CCDC88A: variants seen among roughly 807,000 people sequenced by gnomAD.
The protein encoded by CCDC88A is girdin.
A neutral mutation model predicts 234.3 loss-of-function variants in CCDC88A; 54 were observed. The observed-to-expected ratio is 0.23, with a 90% CI of 0.19 to 0.29. The LOEUF (loss-of-function observed/expected upper bound fraction) is 0.29. Ranked by LOEUF, CCDC88A falls within the 10% of genes least tolerant of loss-of-function variation. The probability of loss-of-function intolerance (pLI) is 1.00; values close to 1 mark genes in which losing one functional copy is unlikely to be tolerated. For missense variants in CCDC88A, 1,832 were observed against 2,123.4 expected (o/e 0.86, Z 2.70); for synonymous variants, 753 against 737.8 (o/e 1.02, Z -0.33).
chr2:55,334,365 G>A lies in CCDC88A; in HGVS notation c.2456C>T (p.Ser819Leu). The change falls in exon 15 of 33, where the codon TCA (serine) becomes TTA (leucine). Residue 819 changes from serine (S) to leucine (L), a missense_variant. Ser to Leu is a moderately radical substitution (Grantham distance 145). Coordinates refer to ENST00000436346, the MANE Select transcript of CCDC88A (RefSeq NM_001365480.1). The surrounding 1 kb of genome is among the most constrained non-coding windows in gnomAD (Gnocchi z 6.1). The part of the protein sequence containing the change: ...RLEQLEKENK[S>L]LEQETSQLEK... ...CAGTTGAGAAGTCTCTTGCTCTAAT[G>A]ATTTATTTTCTTTTTCCAGCTGTTC... 2 of 1,562,704 alleles carry A rather than the reference G, an allele frequency of 1.3e-6. No individual in the cohort carries two copies. The highest frequency in any genetic ancestry group is 1.7e-6 in the Non-Finnish European group (2 of 1,164,024).
At position 55,389,841 on chromosome 2, in the gene CCDC88A, G is replaced by A. The variant is rs1209982017; in HGVS notation, c.165-955C>T. ...GGATCACCTGAGGTCAGGAGTTCAAGACCAGCCTGGCCAACATGGTGAAAC... is the reference window on the plus strand; with the variant it reads ...GGATCACCTGAGGTCAGGAGTTCAAAACCAGCCTGGCCAACATGGTGAAAC... On this transcript the variant is annotated intron_variant, in intron 2 of 32. Coordinates refer to ENST00000436346, the MANE Select transcript of CCDC88A (RefSeq NM_001365480.1). 2.0e-5 allele frequency among the ~76,000 whole-genome samples: 3 copies of A among 151,842 alleles called. No individual in the cohort carries two copies. In the East Asian group the frequency reaches 5.8e-4, roughly 29 times the overall value.
At chr2:55,320,155 T>C (rs962869853) in intron 18 of CCDC88A, among the ~76,000 whole-genome samples, 2 of 152,002 alleles carry the variant, frequency 1.3e-5, no homozygotes, top group African/African-American at 4.8e-5. Context: ...CTAGAAAAAA[T>C]AAAAAGGAAT....
At chr2:55,381,035 T>C (rs767362023) in intron 3 of CCDC88A, among the ~76,000 whole-genome samples, 7 of 152,206 alleles carry the variant, frequency 4.6e-5, no homozygotes, top group African/African-American at 1.7e-4. Context: ...CATAAGATTA[T>C]AAAACCATAT....
rs1266690589 is a variant in CCDC88A at position 55,328,139 on chromosome 2, G to C, written c.2997+155C>G. Among the ~76,000 whole-genome samples, 1 of 152,122 alleles carries C rather than the reference G, an allele frequency of 6.6e-6. No homozygotes were observed. The highest frequency in any genetic ancestry group is 2.4e-5 in the African/African-American group (1 of 41,418). On this transcript the variant is annotated intron_variant, in intron 17 of 32. Coordinates refer to ENST00000436346, the MANE Select transcript of CCDC88A (RefSeq NM_001365480.1). The surrounding 1 kb of genome is among the most constrained non-coding windows in gnomAD (Gnocchi z 4.3). ...AGCTATACCATATTCATATGACAGA[G>C]ATCTGTTTAAGAATATTCTCAAGTT... is the stretch of plus-strand genomic sequence containing the variant.
intron 25 of CCDC88A, among the ~76,000 whole-genome samples, chr2:55,304,068 G>A (rs1461333098): frequency 2.0e-5 from 3 of 152,112 alleles, no homozygotes; most frequent in Admixed American, 6.5e-5. Context: ...CAGGATTTTG[G>A]GAGGCCAAGG....
intron 16 of CCDC88A, chr2:55,329,722 A>G (rs922341513): frequency 6.6e-6 from 1 of 152,238 alleles, no homozygotes. Flanking sequence ...AGGTATTAAA[A>G]GAGAAAAGAC....
At chr2:55,302,152 G>A (rs975238304) in intron 26 of CCDC88A, 80 bp from the exon 27 acceptor site, 5 of 1,134,568 alleles carry the variant, frequency 4.4e-6, no homozygotes, top group Middle Eastern at 2.0e-4. Context: ...CAAATACTGT[G>A]GTTTTTGTCT....
At position 55,419,084 on chromosome 2, in the gene CCDC88A, C is replaced by T. The variant is rs777936453; in HGVS notation, c.-5G>A. The T allele has an allele frequency of 6.3e-7, 1 of 1,599,012 alleles. No homozygotes were observed. The highest frequency in any genetic ancestry group is 1.1e-5 in the South Asian group (1 of 90,732). ...AGTAAAAATTTCGTTCTCCATTTTA[C>T]AGAGTATGTATTTGAAAAAAGGAAC... On this transcript the variant is annotated 5_prime_UTR_variant, in exon 1 of 33. Transcript: ENST00000436346.
At chr2:55,316,322 T>C (rs1682974641) in intron 21 of CCDC88A, among the ~76,000 whole-genome samples, 1 of 152,166 alleles carries the variant, frequency 6.6e-6, no homozygotes, top group South Asian at 2.1e-4. Context: ...AAAATAATTT[T>C]TAATTTCCTT....
intron 2 of CCDC88A, among the ~76,000 whole-genome samples, chr2:55,407,294 T>A (rs1008177306): frequency 6.6e-6 from 1 of 151,976 alleles, no homozygotes; most frequent in Non-Finnish European, 1.5e-5. Context: ...ATTTTTAACA[T>A]AAGGATTATG....
intron 23 of CCDC88A, among the ~76,000 whole-genome samples, chr2:55,311,192 C>G (rs1287646259): frequency 6.6e-6 from 1 of 152,114 alleles, no homozygotes; most frequent in Non-Finnish European, 1.5e-5. Flanking sequence ...TAAAACAAGC[C>G]TTCTTTTGAA....
Position 55,362,452 on chromosome 2 carries a change from T to C in CCDC88A, c.487-4A>G. 2 of 1,596,662 alleles carry C rather than the reference T, an allele frequency of 1.3e-6. No homozygotes were observed. Among genetic ancestry groups the C allele is most frequent in the South Asian group, 1.2e-5 (1 of 86,662 alleles). On this transcript the variant is annotated splice_polypyrimidine_tract_variant and splice_region_variant and intron_variant, in intron 6 of 32. Coordinates refer to ENST00000436346, the MANE Select transcript of CCDC88A (RefSeq NM_001365480.1). ...CATTTTCCTGATTATGAGTTACCTT[T>C]AGAAAAGTGACCAAAATAAACAACC...
intron 17 of CCDC88A, among the ~76,000 whole-genome samples, chr2:55,327,914 G>A (rs1015187549): frequency 6.6e-6 from 1 of 152,060 alleles, no homozygotes; most frequent in Non-Finnish European, 1.5e-5. Flanking sequence ...CCTCTAACTT[G>A]GTATACTCAC....
At chr2:55,343,860 T>A (rs1197266062) in intron 11 of CCDC88A, 68 bp from the exon 12 acceptor site, 1 of 1,250,292 alleles carries the variant, frequency 8.0e-7, no homozygotes, top group African/African-American at 1.5e-5. Flanking sequence ...GCAAATACTT[T>A]ATTTCTCACA....
At chr2:55,405,143 A>C (rs1000928166) in intron 2 of CCDC88A, 2 of 152,194 alleles carry the variant, frequency 1.3e-5, no homozygotes, top group African/African-American at 4.8e-5. Context: ...CCATTTCCCA[A>C]ATCATACATG....
At chr2:55,302,161 C>A (rs915760617) in intron 26 of CCDC88A, 89 bp from the exon 27 acceptor site, 6 of 1,008,644 alleles carry the variant, frequency 5.9e-6, no homozygotes, top group Admixed American at 4.6e-5. Flanking sequence ...TGGTTTTTGT[C>A]TATGAATTAA....
At chr2:55,298,447 C>G (rs1042060578) in intron 29 of CCDC88A, among the ~76,000 whole-genome samples, 10 of 151,804 alleles carry the variant, frequency 6.6e-5, no homozygotes, top group African/African-American at 2.2e-4. Context: ...AAAAAAGAAA[C>G]CCACCTCAAA....
At chr2:55,346,506 G>A (rs1331988257) in intron 9 of CCDC88A, among the ~76,000 whole-genome samples, 173 bp from the exon 10 acceptor site, 10 of 151,872 alleles carry the variant, frequency 6.6e-5, no homozygotes, top group African/African-American at 1.9e-4. Context: ...TGCAACCTCC[G>A]CCTCCCAGGT....
At chr2:55,354,866 CT>C in intron 8 of CCDC88A, among the ~76,000 whole-genome samples, 1 of 151,878 alleles carries the variant, frequency 6.6e-6, no homozygotes, top group African/African-American at 2.4e-5. Flanking sequence ...CGCGCCTGGC[CT>C]ATATCCTTAC....
Sources: gnomAD v4.1 joint callset for allele counts (sites outside exome capture counted in the v4.1 genomes callset) on GRCh38, gnomAD v4.1.1 for gene constraint, Gnocchi (gnomAD v3.1) non-coding constraint, MANE v1.5 for transcripts, NCBI Gene and HGNC (gene_info 2026-07-23, HGNC 2026-07-21) for gene names.